PDZRN3: variants seen among roughly 807,000 people sequenced by gnomAD.
PDZRN3 encodes the protein E3 ubiquitin-protein ligase PDZRN3.
PDZRN3 carries 38 observed loss-of-function variants against 85.7 expected under a neutral mutation model. That is an observed-to-expected ratio of 0.44 (90% CI 0.34 to 0.58). PDZRN3 has a LOEUF of 0.58. PDZRN3 is among the 20% of genes least tolerant of loss of function. PDZRN3 has a pLI of 0.01. For synonymous variants in PDZRN3, 759 were observed against 638.0 expected, an observed-to-expected ratio of 1.19 and a Z score of -2.86; for missense variants, 1,629 against 1,506.4, an observed-to-expected ratio of 1.08 and a Z score of -1.35.
At chr3:73,600,337 A>ACTCT (rs1553706426) in intron 3 of PDZRN3, among the ~76,000 whole-genome samples, 4,550 of 99,936 alleles carry the variant, frequency 0.046, 287 homozygotes, top group African/African-American at 0.13. Context: ...ACACACACAC[A>ACTCT]CTCTCTCTCT....
At chr3:73,434,976 A>G (rs1440082365) in intron 3 of PDZRN3, among the ~76,000 whole-genome samples, 1 of 152,192 alleles carries the variant, frequency 6.6e-6, no homozygotes, top group Non-Finnish European at 1.5e-5. Context: ...CTCAACGAAA[A>G]TGGTCGATGT....
intron 1 of PDZRN3, among the ~76,000 whole-genome samples, chr3:73,623,379 G>A (rs1456229978): frequency 6.6e-6 from 1 of 152,176 alleles, no homozygotes; most frequent in Non-Finnish European, 1.5e-5. Context: ...ACTTGTTGGG[G>A]GCAGAGTGCT....
At chr3:73,537,823 A>T (rs1449188239) in intron 3 of PDZRN3, among the ~76,000 whole-genome samples, 2 of 145,178 alleles carry the variant, frequency 1.4e-5, no homozygotes, top group Non-Finnish European at 3.0e-5. Context: ...ACGGGGTTTC[A>T]CTGTGTCGGC....
In PDZRN3 at chr3:73,624,256, G is replaced by A. The variant is rs1177551259; in HGVS notation, c.570C>T (p.Arg190=). 2 of 1,444,012 alleles carry A rather than the reference G, an allele frequency of 1.4e-6. No homozygotes were observed. Among genetic ancestry groups the A allele is most frequent in the Non-Finnish European group, 9.0e-7 (1 of 1,104,998 alleles). The allele number at this position is 1,444,012 out of a possible 1,614,324, so 89.4% of individuals were successfully genotyped here. ...CCAGCGACTTCTCGCGCTTCCCAGC[G>A]CGCAGCGCCTCCTTCTTGAGCGCCT... ...LHKALKKEAL[R]AGKREKSLVA... is the part of the protein sequence containing the mutation. Residue 190 remains arginine (R), a synonymous_variant, in exon 1 of 10, where the codon CGC becomes CGT. Coordinates refer to ENST00000263666, the MANE Select transcript of PDZRN3 (RefSeq NM_015009.3).
intron 5 of PDZRN3, among the ~76,000 whole-genome samples, chr3:73,396,025 C>A (rs1472315308): frequency 6.6e-6 from 1 of 152,080 alleles, no homozygotes; most frequent in Admixed American, 6.5e-5. Flanking sequence ...GAGTTTGAGA[C>A]CAGCCTGGCC....
intron 3 of PDZRN3, among the ~76,000 whole-genome samples, chr3:73,423,768 G>A (rs879498449): frequency 2.0e-5 from 3 of 152,090 alleles, no homozygotes; most frequent in Non-Finnish European, 4.4e-5. Context: ...TAGTATTTCT[G>A]ATTTACTTTC....
At chr3:73,402,315 G>A (rs1338946354) in intron 4 of PDZRN3, 2 of 152,232 alleles carry the variant, frequency 1.3e-5, no homozygotes, top group African/African-American at 4.8e-5. Flanking sequence ...ATGTGAGGCA[G>A]TTTGGTCTGT....
At chr3:73,504,587 G>A (rs546536968) in intron 3 of PDZRN3, among the ~76,000 whole-genome samples, 4 of 152,232 alleles carry the variant, frequency 2.6e-5, no homozygotes, top group Admixed American at 2.0e-4. Context: ...TTATTAACCT[G>A]GGCTGCTTCT....
At chr3:73,605,394 T>A (rs924609205) in intron 2 of PDZRN3, among the ~76,000 whole-genome samples, 1 of 152,246 alleles carries the variant, frequency 6.6e-6, no homozygotes, top group South Asian at 2.1e-4. Flanking sequence ...ATAGCAAGGG[T>A]ACCTAACGAT....
chr3:73,403,499 C>T (rs1424075832), intron 4 of PDZRN3, among the ~76,000 whole-genome samples: 1 of 152,050 alleles, frequency 6.6e-6, no homozygotes, highest in Non-Finnish European at 1.5e-5. Context: ...AAATACAGCC[C>T]CACAAAACAA....
intron 3 of PDZRN3, among the ~76,000 whole-genome samples, chr3:73,502,061 A>G (rs1703990669): frequency 6.6e-6 from 1 of 152,206 alleles, no homozygotes; most frequent in Non-Finnish European, 1.5e-5. Context: ...ACAAGTCATT[A>G]GAAAATGAAG....
intron 3 of PDZRN3, among the ~76,000 whole-genome samples, chr3:73,529,948 C>T (rs1021258623): frequency 2.0e-5 from 3 of 152,190 alleles, no homozygotes; most frequent in East Asian, 3.8e-4. Flanking sequence ...CATTAATGCA[C>T]AGCAAGCCCT....
At chr3:73,491,337 G>A (rs751245457) in intron 3 of PDZRN3, among the ~76,000 whole-genome samples, 15 of 152,178 alleles carry the variant, frequency 9.9e-5, no homozygotes, top group Non-Finnish European at 2.2e-4. Flanking sequence ...GCCAGGAGGG[G>A]AATCTTGATA....
intron 3 of PDZRN3, among the ~76,000 whole-genome samples, chr3:73,537,048 G>A (rs1316895844): frequency 1.3e-5 from 2 of 152,162 alleles, no homozygotes; most frequent in Non-Finnish European, 2.9e-5. Context: ...GACTGCTAAT[G>A]CTCACTGATG....
chr3:73,502,390 T>G (rs1703996142), intron 3 of PDZRN3, among the ~76,000 whole-genome samples: 1 of 152,240 alleles, frequency 6.6e-6, no homozygotes. Flanking sequence ...CTCTGGCATC[T>G]AAATAATTGC....
chr3:73,441,405 C>A (rs1311669911), intron 3 of PDZRN3, among the ~76,000 whole-genome samples: 2 of 87,228 alleles, frequency 2.3e-5, no homozygotes, highest in Non-Finnish European at 4.1e-5. Context: ...TAGTGAGACT[C>A]TGTCCCAAAA....
intron 3 of PDZRN3, among the ~76,000 whole-genome samples, chr3:73,423,695 A>G (rs1335557172): frequency 6.6e-6 from 1 of 152,202 alleles, no homozygotes; most frequent in East Asian, 1.9e-4. Context: ...TATATTTTTA[A>G]AAGTGGCTTT....
At chr3:73,429,808 G>A (rs1176315064) in intron 3 of PDZRN3, among the ~76,000 whole-genome samples, 8 of 152,114 alleles carry the variant, frequency 5.3e-5, no homozygotes, top group Non-Finnish European at 8.8e-5. Flanking sequence ...CATTCTTCAG[G>A]TTGCCTGATA....
At chr3:73,558,200 A>C (rs1701741405) in intron 3 of PDZRN3, among the ~76,000 whole-genome samples, 1 of 134,956 alleles carries the variant, frequency 7.4e-6, no homozygotes, top group East Asian at 2.2e-4. Flanking sequence ...TATACCATGG[A>C]GGGAAAGCTG....
Sources: gnomAD v4.1 joint callset for allele counts (sites outside exome capture counted in the v4.1 genomes callset) on GRCh38, gnomAD v4.1.1 for gene constraint, MANE v1.5 for transcripts, NCBI Gene and HGNC (gene_info 2026-07-23, HGNC 2026-07-21) for gene names.